RBPMS: variants seen among roughly 807,000 people sequenced by gnomAD.
RBPMS encodes the protein RNA binding protein, mRNA processing factor, also known as RNA-binding protein with multiple splicing.
A neutral mutation model predicts 26.8 loss-of-function variants in RBPMS; 7 were observed. The ratio of observed to expected loss-of-function variants is 0.26; its 90% CI spans 0.15 to 0.49. The LOEUF (loss-of-function observed/expected upper bound fraction) is 0.49. RBPMS is among the 20% of genes least tolerant of loss of function. RBPMS has a pLI of 0.98. For synonymous variants in RBPMS, 96 were observed against 93.3 expected (o/e 1.03, Z -0.17); for missense variants, 186 against 250.0 (o/e 0.74, Z 1.73).
chr8:30,506,338 A>T (rs1380098316), intron 5 of RBPMS, among the ~76,000 whole-genome samples: 2 of 70,466 alleles, frequency 2.8e-5, no homozygotes, highest in African/African-American at 1.3e-4. Flanking sequence ...TTGAAGTTTA[A>T]AAAAAAAAAA....
intron 6 of RBPMS, chr8:30,556,214 C>G (rs779687167): frequency 4.1e-6 from 4 of 985,416 alleles, no homozygotes; most frequent in Non-Finnish European, 4.8e-6. Flanking sequence ...GGAGCAGCCA[C>G]CTATTGCATC....
chr8:30,444,482 C>T (rs1221696305), intron 1 of RBPMS, among the ~76,000 whole-genome samples: 1 of 152,108 alleles, frequency 6.6e-6, no homozygotes, highest in Non-Finnish European at 1.5e-5. Context: ...ATATGTAAAC[C>T]ATTTGAACAG....
chr8:30,519,111 G>A (rs1351775984), intron 5 of RBPMS, among the ~76,000 whole-genome samples: 1 of 152,060 alleles, frequency 6.6e-6, no homozygotes, highest in Non-Finnish European at 1.5e-5. Context: ...CTTCTTGGCA[G>A]GTTTACAAAG....
chr8:30,541,172 C>T (rs929982034), intron 5 of RBPMS, among the ~76,000 whole-genome samples: 2 of 152,164 alleles, frequency 1.3e-5, no homozygotes, highest in African/African-American at 4.8e-5. Flanking sequence ...TCATGTTTAT[C>T]TCTCTTTCAA....
Position 30,570,757 on chromosome 8 carries a change from T to C in RBPMS, c.*232T>C, listed in dbSNP as rs1828217637. 6.5e-6 allele frequency: 1 copy of C among 152,684 alleles called. No homozygotes were observed. Among genetic ancestry groups the C allele is most frequent in the Non-Finnish European group, 1.5e-5 (1 of 68,050 alleles). The allele number at this position is 152,684 out of a possible 1,614,324, so 9.5% of individuals were successfully genotyped here. A position where few individuals can be genotyped will look rare whatever the true frequency, so the allele number is the denominator to read the frequency against. On this transcript the variant is annotated 3_prime_UTR_variant, in exon 9 of 9. Transcript: ENST00000397323. ...AAAAATGTTTTACTCTTTTACACTG[T>C]ATAATTGTAAGAAATAGCGTATTAT...
intron 1 of RBPMS, among the ~76,000 whole-genome samples, chr8:30,461,802 G>T (rs1815943282): frequency 6.6e-6 from 1 of 152,172 alleles, no homozygotes; most frequent in African/African-American, 2.4e-5. Flanking sequence ...TCAAGAAGTT[G>T]ATATAATCCA....
At chr8:30,447,055 A>G (rs904022978) in intron 1 of RBPMS, 1 of 152,112 alleles carries the variant, frequency 6.6e-6, no homozygotes, top group African/African-American at 2.4e-5. Context: ...GTTGCATACC[A>G]AAGGAATGTT....
intron 4 of RBPMS, among the ~76,000 whole-genome samples, chr8:30,499,237 T>G (rs921807301): frequency 2.6e-5 from 4 of 152,168 alleles, no homozygotes; most frequent in African/African-American, 9.7e-5. Context: ...GCCGCTGCAC[T>G]GTAGCCTGAG....
intron 1 of RBPMS, chr8:30,446,861 T>TGCGC (rs1813914283): frequency 1.1e-5 from 1 of 88,996 alleles, no homozygotes; most frequent in African/African-American, 5.0e-5. Flanking sequence ...GCGCGCGCGG[T>TGCGC]GGAGGGTAGT....
chr8:30,500,927 A>C (rs185714291), intron 4 of RBPMS, among the ~76,000 whole-genome samples: 1 of 152,180 alleles, frequency 6.6e-6, no homozygotes, highest in East Asian at 1.9e-4. Flanking sequence ...CCCTTCATTG[A>C]GTCTGTCTTC....
intron 5 of RBPMS, among the ~76,000 whole-genome samples, chr8:30,535,107 C>T (rs1585797226): frequency 6.6e-6 from 1 of 152,088 alleles, no homozygotes; most frequent in African/African-American, 2.4e-5. Context: ...CACCTTTTTT[C>T]GTCAAGGACT....
intron 5 of RBPMS, among the ~76,000 whole-genome samples, chr8:30,543,777 T>G (rs2151045545): frequency 6.6e-6 from 1 of 152,318 alleles, no homozygotes; most frequent in South Asian, 2.1e-4. Context: ...TGAGGAACAC[T>G]TAGACCAGGC....
chr8:30,454,817 TTTG>T (rs1815009328), intron 1 of RBPMS, among the ~76,000 whole-genome samples: 1 of 152,162 alleles, frequency 6.6e-6, no homozygotes, highest in Admixed American at 6.5e-5. Flanking sequence ...TGGGTTTCTT[TTTG>T]TTTGTTTGGT....
At chr8:30,435,271 A>T (rs1298887912) in intron 1 of RBPMS, among the ~76,000 whole-genome samples, 2 of 152,196 alleles carry the variant, frequency 1.3e-5, no homozygotes, top group Non-Finnish European at 2.9e-5. Flanking sequence ...TGTGAATTTC[A>T]TGTTTAGAGT....
At chr8:30,436,368 A>G (rs1000470213) in intron 1 of RBPMS, among the ~76,000 whole-genome samples, 1 of 152,180 alleles carries the variant, frequency 6.6e-6, no homozygotes, top group Non-Finnish European at 1.5e-5. Flanking sequence ...GACTACCATA[A>G]TTAACCTACT....
intron 1 of RBPMS, among the ~76,000 whole-genome samples, chr8:30,462,077 T>C (rs921383504): frequency 6.6e-6 from 1 of 152,270 alleles, no homozygotes; most frequent in Non-Finnish European, 1.5e-5. Flanking sequence ...ATATCTAATT[T>C]GTTTAACCAT....
Position 30,424,566 on chromosome 8 carries a change from C to T in RBPMS, c.66+39408C>T, listed in dbSNP as rs116948149. Reference sequence around the variant, plus strand: ...TCATAACTAGGTTCATACTCTGCTCCGTTTGGCTGGCTAGGTGATCTTTAA... The same window carrying T: ...TCATAACTAGGTTCATACTCTGCTCTGTTTGGCTGGCTAGGTGATCTTTAA... On this transcript the variant is annotated intron_variant, in intron 1 of 8. Transcript: ENST00000397323. 3.7e-3 allele frequency among the ~76,000 whole-genome samples: 564 copies of T among 152,216 alleles called. 15 individuals carry two copies. In the East Asian group the frequency reaches 0.04, roughly 11 times the overall value.
At chr8:30,514,273 T>A (rs1312316718) in intron 5 of RBPMS, among the ~76,000 whole-genome samples, 1 of 152,052 alleles carries the variant, frequency 6.6e-6, no homozygotes, top group Non-Finnish European at 1.5e-5. Flanking sequence ...GAATGGGGAG[T>A]GTACATAAAG....
chr8:30,463,838 A>T lies in RBPMS; in HGVS notation c.67-10941A>T, dbSNP rs544498183. Among the ~76,000 whole-genome samples the T allele has an allele frequency of 9.2e-5, 14 of 152,332 alleles. No individual in the cohort carries two copies. The East Asian group carries it at 9.6e-4, about 10-fold the overall frequency. On this transcript the variant is annotated intron_variant, in intron 1 of 8. Transcript: ENST00000397323. ...GTTCTGTGAACCACATGCTTTGAGC[A>T]CTTAACCTCTTGAATGCATATTCGA...
Sources: gnomAD v4.1 joint callset for allele counts (sites outside exome capture counted in the v4.1 genomes callset) on GRCh38, gnomAD v4.1.1 for gene constraint, MANE v1.5 for transcripts, NCBI Gene and HGNC (gene_info 2026-07-23, HGNC 2026-07-21) for gene names.